RNF13: variants seen among roughly 807,000 people sequenced by gnomAD.
RNF13 encodes the protein E3 ubiquitin-protein ligase RNF13.
RNF13 carries 19 observed loss-of-function variants against 37.7 expected under a neutral mutation model. The observed-to-expected ratio is 0.50, with a 90% CI of 0.35 to 0.74. The LOEUF is 0.74. Among genes scored for constraint, RNF13 ranks in the 30% least tolerant of loss-of-function variants. The probability of loss-of-function intolerance (pLI) is 0.01; values close to 1 mark genes in which losing one functional copy is unlikely to be tolerated. For synonymous variants in RNF13, 144 were observed against 157.8 expected (o/e 0.91, Z 0.65); for missense variants, 375 against 453.0 (o/e 0.83, Z 1.56).
intron 2 of RNF13, among the ~76,000 whole-genome samples, chr3:149,849,212 C>T (rs1722916949): frequency 6.6e-6 from 1 of 152,188 alleles, no homozygotes; most frequent in Non-Finnish European, 1.5e-5. Flanking sequence ...TCAGAGTCCA[C>T]AAGTGACATG....
At chr3:149,909,305 C>T (rs894428259) in intron 6 of RNF13, among the ~76,000 whole-genome samples, 8 of 150,400 alleles carry the variant, frequency 5.3e-5, no homozygotes, top group Non-Finnish European at 3.0e-5. Flanking sequence ...GACAAAGCCT[C>T]ACTATGTCAC....
At chr3:149,834,321 A>G (rs1721370281) in intron 1 of RNF13, among the ~76,000 whole-genome samples, 1 of 152,266 alleles carries the variant, frequency 6.6e-6, no homozygotes, top group Non-Finnish European at 1.5e-5. Context: ...TAGGTCGTAT[A>G]CTTCCTGATT....
At chr3:149,845,972 A>G in intron 1 of RNF13, 39 bp from the exon 2 acceptor site, 10 of 1,123,846 alleles carry the variant, frequency 8.9e-6, no homozygotes, top group Non-Finnish European at 1.3e-5. Flanking sequence ...CCCTGGGACA[A>G]AGCACCAGCT....
chr3:149,832,249 G>C (rs1367611077), intron 1 of RNF13, among the ~76,000 whole-genome samples: 1 of 152,156 alleles, frequency 6.6e-6, no homozygotes, highest in Non-Finnish European at 1.5e-5. Flanking sequence ...AGAACCAGTG[G>C]AATCTGAGCT....
chr3:149,846,014 A>T lies in RNF13; in HGVS notation c.-13A>T. Reference sequence around the variant, plus strand: ...TACTCACATCCTTGTCTTCCAGGTGATTTTACAACGAGATGCTGCTCTCCA... The same window carrying T: ...TACTCACATCCTTGTCTTCCAGGTGTTTTTACAACGAGATGCTGCTCTCCA... On this transcript the variant is annotated 5_prime_UTR_variant, in exon 2 of 10. Transcript: ENST00000392894. 1.3e-6 allele frequency: 2 copies of T among 1,575,718 alleles called. No individual in the cohort carries two copies. Among genetic ancestry groups the T allele is most frequent in the Non-Finnish European group, 1.7e-6 (2 of 1,148,684 alleles).
intron 8 of RNF13, among the ~76,000 whole-genome samples, chr3:149,934,992 T>A (rs752695538): frequency 1.3e-5 from 2 of 152,220 alleles, no homozygotes; most frequent in Non-Finnish European, 2.9e-5. Flanking sequence ...TGATACAATT[T>A]TGACTTTTTT....
At chr3:149,918,604 C>T (rs1310125057) in intron 7 of RNF13, among the ~76,000 whole-genome samples, 1 of 151,954 alleles carries the variant, frequency 6.6e-6, no homozygotes, top group Non-Finnish European at 1.5e-5. Context: ...GTGGCACAAT[C>T]ATAGCTCACT....
intron 8 of RNF13, among the ~76,000 whole-genome samples, chr3:149,941,572 C>G (rs1720283774): frequency 6.8e-6 from 1 of 146,014 alleles, no homozygotes; most frequent in Non-Finnish European, 1.5e-5. Context: ...TGTAGAAGTT[C>G]CTTATATAGT....
intron 6 of RNF13, among the ~76,000 whole-genome samples, chr3:149,902,744 C>T (rs1715969735): frequency 6.6e-6 from 1 of 152,076 alleles, no homozygotes; most frequent in Admixed American, 6.5e-5. Context: ...GAAAACGGTA[C>T]AATAAACACT....
chr3:149,847,705 T>C (rs920456636), intron 2 of RNF13, among the ~76,000 whole-genome samples: 1 of 152,178 alleles, frequency 6.6e-6, no homozygotes, highest in African/African-American at 2.4e-5. Flanking sequence ...GTCCCTAAAA[T>C]CCTTAGAATA....
chr3:149,960,634 G>T, intron 9 of RNF13, 106 bp from the exon 10 acceptor site: 1 of 1,041,586 alleles, frequency 9.6e-7, no homozygotes. Context: ...CTTTCTTCCC[G>T]TCCCTACATG....
At chr3:149,903,535 A>G (rs1225577334) in intron 6 of RNF13, among the ~76,000 whole-genome samples, 1 of 152,096 alleles carries the variant, frequency 6.6e-6, no homozygotes, top group Non-Finnish European at 1.5e-5. Flanking sequence ...ATTCACCTTA[A>G]TTAGTGATCA....
intron 4 of RNF13, among the ~76,000 whole-genome samples, chr3:149,892,202 A>G (rs969358595): frequency 6.6e-6 from 1 of 152,146 alleles, no homozygotes; most frequent in South Asian, 2.1e-4. Context: ...TTATTATGTT[A>G]ACAGAGAACA....
At chr3:149,834,532 C>T (rs2108347119) in intron 1 of RNF13, among the ~76,000 whole-genome samples, 1 of 152,310 alleles carries the variant, frequency 6.6e-6, no homozygotes, top group African/African-American at 2.4e-5. Context: ...ATTTGATCCC[C>T]AGTATTGGAG....
chr3:149,946,210 CA>C (rs1490121469), intron 8 of RNF13, among the ~76,000 whole-genome samples: 2 of 152,202 alleles, frequency 1.3e-5, no homozygotes, highest in East Asian at 3.9e-4. Flanking sequence ...ACCAGTGTAG[CA>C]AAGTCCTTAA....
At chr3:149,836,019 G>C (rs1721589807) in intron 1 of RNF13, among the ~76,000 whole-genome samples, 1 of 152,122 alleles carries the variant, frequency 6.6e-6, no homozygotes, top group Non-Finnish European at 1.5e-5. Flanking sequence ...CAGTGTAGAA[G>C]TGTTCCCTTT....
chr3:149,871,035 ATTTTTTTT>A (rs144707628), intron 3 of RNF13, among the ~76,000 whole-genome samples: 2 of 121,304 alleles, frequency 1.6e-5, no homozygotes, highest in African/African-American at 3.1e-5. Flanking sequence ...CTGTTACCAG[ATTTTTTTT>A]TTTTTTTTTT....
intron 3 of RNF13, among the ~76,000 whole-genome samples, chr3:149,866,545 C>T (rs1329867085): frequency 6.6e-6 from 1 of 152,186 alleles, no homozygotes; most frequent in African/African-American, 2.4e-5. Context: ...GTGCTGACCT[C>T]TTATCTCATT....
At chr3:149,822,498 T>G (rs1720082387) in intron 1 of RNF13, 1 of 152,154 alleles carries the variant, frequency 6.6e-6, no homozygotes, top group Non-Finnish European at 1.5e-5. Flanking sequence ...GTCATTTACT[T>G]TCTTTTTTCC....
Sources: gnomAD v4.1 joint callset for allele counts (sites outside exome capture counted in the v4.1 genomes callset) on GRCh38, gnomAD v4.1.1 for gene constraint, MANE v1.5 for transcripts, NCBI Gene and HGNC (gene_info 2026-07-23, HGNC 2026-07-21) for gene names.